Variants in NOSTRIN observed in about 807,000 individuals in gnomAD.
NOSTRIN encodes the protein BM247 homolog.
NOSTRIN carries 63 observed loss-of-function variants against 59.0 expected under a neutral mutation model. That is an observed-to-expected ratio of 1.07 (90% CI 0.87 to 1.32). The LOEUF (loss-of-function observed/expected upper bound fraction) is 1.32. Ranked by LOEUF, NOSTRIN falls within the 40% of genes most tolerant of loss-of-function variation. NOSTRIN has a pLI of 0.00. For synonymous variants in NOSTRIN, 200 were observed against 165.4 expected (o/e 1.21, Z -1.61); for missense variants, 512 against 473.1 (o/e 1.08, Z -0.76).
intron 8 of NOSTRIN, among the ~76,000 whole-genome samples, chr2:168,846,069 C>T (rs1303007252): frequency 6.6e-6 from 1 of 152,180 alleles, no homozygotes; most frequent in Non-Finnish European, 1.5e-5. Context: ...TTCACTTGAA[C>T]CCTCAATAAT....
In NOSTRIN at chr2:168,865,216, C is replaced by G. The variant is rs781573628; in HGVS notation, c.*246C>G. ...AGGAGTTTCCAAATTCTAGGAGACC[C>G]TAGAGATGATCCAGTATAACCCCTG... On this transcript the variant is annotated 3_prime_UTR_variant, in exon 16 of 16. Transcript: ENST00000317647. 3 of 457,112 alleles carry G rather than the reference C, an allele frequency of 6.6e-6. No individual in the cohort carries two copies. Among genetic ancestry groups the G allele is most frequent in the Non-Finnish European group, 1.2e-5 (3 of 256,180 alleles). The allele number at this position is 457,112 out of a possible 1,614,324, so 28.3% of individuals were successfully genotyped here.
chr2:168,856,416 A>C, intron 11 of NOSTRIN: 1 of 384,772 alleles, frequency 2.6e-6, no homozygotes, highest in Non-Finnish European at 4.8e-6. Context: ...CTCTACTAAA[A>C]ATACGAAAAT....
intron 2 of NOSTRIN, among the ~76,000 whole-genome samples, chr2:168,815,448 G>A (rs1686344905): frequency 6.6e-6 from 1 of 152,152 alleles, no homozygotes; most frequent in African/African-American, 2.4e-5. Context: ...CAGAGCTAAT[G>A]TTTAAACAGG....
At chr2:168,817,881 C>A (rs925356971) in intron 2 of NOSTRIN, among the ~76,000 whole-genome samples, 1 of 152,206 alleles carries the variant, frequency 6.6e-6, no homozygotes, top group Non-Finnish European at 1.5e-5. Context: ...ATGAAAATGT[C>A]TTTCAAGTTG....
intron 1 of NOSTRIN, among the ~76,000 whole-genome samples, chr2:168,809,126 T>C (rs1686012161): frequency 6.6e-6 from 1 of 152,350 alleles, no homozygotes; most frequent in Admixed American, 6.5e-5. Flanking sequence ...GAAAACAACA[T>C]TGTATTTTTC....
At chr2:168,818,095 G>A (rs1686509465) in intron 2 of NOSTRIN, 1 of 162,946 alleles carries the variant, frequency 6.1e-6, no homozygotes, top group Non-Finnish European at 1.4e-5. Context: ...AATTTATAAT[G>A]AAGGGAGGAC....
At chr2:168,807,153 T>C (rs947325760) in intron 1 of NOSTRIN, among the ~76,000 whole-genome samples, 1 of 152,170 alleles carries the variant, frequency 6.6e-6, no homozygotes, top group African/African-American at 2.4e-5. Flanking sequence ...GAGTCCTCTC[T>C]GGTGGGTGGG....
chr2:168,788,927 A>G (rs1685274290), intron 2 of NOSTRIN, among the ~76,000 whole-genome samples: 1 of 152,018 alleles, frequency 6.6e-6, no homozygotes, highest in Non-Finnish European at 1.5e-5. Flanking sequence ...AGATAGATAG[A>G]TAGATAGATG....
upstream of NOSTRIN, among the ~76,000 whole-genome samples, chr2:168,799,537 C>T (rs1467376746): frequency 6.6e-6 from 1 of 152,160 alleles, no homozygotes; most frequent in East Asian, 1.9e-4. Flanking sequence ...GACAACTTAG[C>T]AGGTTCTCCC....
intron 8 of NOSTRIN, chr2:168,850,777 C>T (rs1008539099): frequency 8.1e-6 from 6 of 736,742 alleles, no homozygotes; most frequent in Non-Finnish European, 1.4e-5. Context: ...CTCTGGAATC[C>T]ATGATTGTGT....
At chr2:168,857,930 C>G (rs1344495632) in intron 12 of NOSTRIN, among the ~76,000 whole-genome samples, 1 of 152,186 alleles carries the variant, frequency 6.6e-6, no homozygotes, top group Non-Finnish European at 1.5e-5. Context: ...GGTGCTGTTG[C>G]AGAAACAAGC....
chr2:168,840,545 A>AAC (rs1430364247), intron 7 of NOSTRIN, among the ~76,000 whole-genome samples: 35 of 150,742 alleles, frequency 2.3e-4, no homozygotes, highest in African/African-American at 8.7e-4. Context: ...AAAAAAAAAA[A>AAC]AAAAAACAAA....
intron 1 of NOSTRIN, among the ~76,000 whole-genome samples, chr2:168,806,952 G>A (rs1685881107): frequency 6.6e-6 from 1 of 152,176 alleles, no homozygotes. Context: ...AACTTACTGT[G>A]ATTATACAGA....
intron 7 of NOSTRIN, among the ~76,000 whole-genome samples, chr2:168,842,727 C>A (rs1688172763): frequency 1.3e-5 from 2 of 152,114 alleles, no homozygotes; most frequent in African/African-American, 2.4e-5. Context: ...TGAGTGTAGA[C>A]AAATCACTTC....
chr2:168,841,904 G>A (rs1247802273), intron 7 of NOSTRIN, among the ~76,000 whole-genome samples: 1 of 152,188 alleles, frequency 6.6e-6, no homozygotes, highest in African/African-American at 2.4e-5. Context: ...ATGTACAAAA[G>A]GGGTGTAATC....
chr2:168,797,624 C>T (rs907863251), upstream of NOSTRIN, among the ~76,000 whole-genome samples: 2 of 152,060 alleles, frequency 1.3e-5, no homozygotes, highest in South Asian at 2.1e-4. Context: ...GTCATCATCT[C>T]AACTGTCAGT....
intron 10 of NOSTRIN, among the ~76,000 whole-genome samples, chr2:168,854,909 C>T (rs1026605341): frequency 6.6e-6 from 1 of 152,172 alleles, no homozygotes; most frequent in Admixed American, 6.5e-5. Context: ...CTTCCCAGTA[C>T]TGAGCCAACA....
chr2:168,820,011 T>C (rs830023), intron 2 of NOSTRIN, among the ~76,000 whole-genome samples: 151,746 of 152,348 alleles, frequency 1, 75,576 homozygotes, highest in Middle Eastern at 1. Context: ...ACTCCAGCTA[T>C]TCAGCCTCCA....
chr2:168,849,805 C>T (rs1688645980), intron 8 of NOSTRIN, among the ~76,000 whole-genome samples: 1 of 152,020 alleles, frequency 6.6e-6, no homozygotes, highest in Admixed American at 6.6e-5. Context: ...TCCCTGAATA[C>T]TCTGCCTGAG....
Sources: gnomAD v4.1 joint callset for allele counts (sites outside exome capture counted in the v4.1 genomes callset) on GRCh38, gnomAD v4.1.1 for gene constraint, MANE v1.5 for transcripts, NCBI Gene and HGNC (gene_info 2026-07-23, HGNC 2026-07-21) for gene names.